The following NMD3 variants were observed in gnomAD, a reference collection of about 807,000 sequenced individuals.
NMD3 encodes the protein 60S ribosomal export protein NMD3.
A neutral mutation model predicts 73.1 loss-of-function variants in NMD3; 47 were observed. The ratio of observed to expected loss-of-function variants is 0.64; its 90% CI spans 0.51 to 0.82. The LOEUF is 0.82. Among genes scored for constraint, NMD3 ranks in the 40% least tolerant of loss-of-function variants. The pLI is 0.00. For missense variants in NMD3, 554 were observed against 612.5 expected, an observed-to-expected ratio of 0.90 and a Z score of 1.01; for synonymous variants, 210 against 194.5, an observed-to-expected ratio of 1.08 and a Z score of -0.66.
At chr3:161,234,338 A>C (rs1736657047) in intron 5 of NMD3, among the ~76,000 whole-genome samples, 1 of 151,592 alleles carries the variant, frequency 6.6e-6, no homozygotes, top group Admixed American at 6.6e-5. Context: ...TGAGGTGGAG[A>C]ATCACTTGAG....
Position 161,227,333 on chromosome 3 carries a change from C to T in NMD3, c.266C>T (p.Pro89Leu). The change falls in exon 4 of 16, where the codon CCT becomes CTT. Residue 89 changes from proline (P) to leucine (L), a missense_variant. Physicochemically the swap from Pro to Leu is moderately conservative, Grantham distance 98. Transcript: ENST00000351193. ...LALCLKKIKAPLSKVRLVDAG... is the reference protein window; with the variant it reads ...LALCLKKIKALLSKVRLVDAG... ...TTGTGCTTGAAAAAAATCAAAGCCCCTCTGAGTAAGGTAAGTTAAACAGCT... is the reference window on the plus strand; with the variant it reads ...TTGTGCTTGAAAAAAATCAAAGCCCTTCTGAGTAAGGTAAGTTAAACAGCT... The T allele has an allele frequency of 1.3e-6, 2 of 1,599,536 alleles. No homozygotes were observed. The highest frequency in any genetic ancestry group is 1.7e-6 in the Non-Finnish European group (2 of 1,168,812).
intron 3 of NMD3, 80 bp from the exon 4 acceptor site, chr3:161,227,167 G>C (rs1404038000): frequency 1.3e-6 from 1 of 766,190 alleles, no homozygotes; most frequent in Non-Finnish European, 2.2e-6. Flanking sequence ...TAATAATTTG[G>C]GTTATATCTG....
At chr3:161,230,463 A>T (rs538110938) in intron 4 of NMD3, among the ~76,000 whole-genome samples, 3 of 152,164 alleles carry the variant, frequency 2.0e-5, no homozygotes, top group African/African-American at 4.8e-5. Flanking sequence ...GATGGTATAT[A>T]TAACTGTATT....
chr3:161,235,318 G>C, intron 7 of NMD3, 106 bp downstream of exon 7: 9 of 363,624 alleles, frequency 2.5e-5, no homozygotes, highest in South Asian at 7.2e-5. Context: ...CTGTCCAAAA[G>C]AACTTTCTGT....
chr3:161,238,858 TA>T, intron 9 of NMD3, 32 bp downstream of exon 9: 1 of 1,034,464 alleles, frequency 9.7e-7, no homozygotes, highest in Non-Finnish European at 1.5e-6. Flanking sequence ...TCCATATCTG[TA>T]AAAGAGTACA....
chr3:161,242,789 CT>C (rs1295397941), intron 11 of NMD3, 136 bp downstream of exon 11: 24,091 of 453,560 alleles, frequency 0.053, 8 homozygotes, highest in East Asian at 0.1. Flanking sequence ...GAAAAAAATT[CT>C]TTTTTTTTTT....
chr3:161,235,039 C>G (rs1736702622), intron 6 of NMD3, 83 bp from the exon 7 acceptor site: 1 of 865,646 alleles, frequency 1.2e-6, no homozygotes, highest in Non-Finnish European at 1.8e-6. Flanking sequence ...TCAGTATGCT[C>G]TATCTGTAGA....
Position 161,225,047 on chromosome 3 carries a change from C to T in NMD3, c.162C>T (p.Phe54=). The part of the protein sequence containing the change: ...QGIPKQVSIS[F]CKQCQRYFQP... The stretch of plus-strand genomic sequence containing the variant: ...TTCCGAAACAAGTCTCGATTTCGTT[C>T]TGCAAACAATGTCAAAGGTACAGTG... The change falls in exon 3 of 16, where the codon TTC becomes TTT. Residue 54 remains phenylalanine (F), a synonymous_variant. Coordinates refer to ENST00000351193, the MANE Select transcript of NMD3 (RefSeq NM_015938.5). 6.2e-7 allele frequency: 1 copy of T among 1,613,720 alleles called. No individual in the cohort carries two copies. Among genetic ancestry groups the T allele is most frequent in the Non-Finnish European group, 8.5e-7 (1 of 1,179,916 alleles).
intron 4 of NMD3, among the ~76,000 whole-genome samples, chr3:161,232,243 T>C (rs1736573318): frequency 6.6e-6 from 1 of 151,948 alleles, no homozygotes; most frequent in South Asian, 2.1e-4. Context: ...TAGGCTTTGT[T>C]TTAGGGAGGC....
intron 9 of NMD3, among the ~76,000 whole-genome samples, chr3:161,240,023 A>G (rs1190239127): frequency 1.3e-5 from 2 of 152,216 alleles, no homozygotes; most frequent in Non-Finnish European, 2.9e-5. Context: ...TTTAGGTGTG[A>G]GGGCATATTT....
intron 3 of NMD3, 140 bp from the exon 4 acceptor site, chr3:161,227,107 A>G (rs1207915957): frequency 9.2e-6 from 5 of 541,218 alleles, no homozygotes; most frequent in Non-Finnish European, 1.6e-5. Flanking sequence ...CCATTAAAAT[A>G]TGTTTGAGTT....
At chr3:161,246,704 G>C (rs933387422) in intron 12 of NMD3, among the ~76,000 whole-genome samples, 1 of 152,106 alleles carries the variant, frequency 6.6e-6, no homozygotes, top group Non-Finnish European at 1.5e-5. Flanking sequence ...AAGTTATATG[G>C]TTGTATCCAT....
At chr3:161,250,391 T>A in intron 15 of NMD3, 65 bp downstream of exon 15, 1 of 941,152 alleles carries the variant, frequency 1.1e-6, no homozygotes, top group Non-Finnish European at 1.6e-6. Flanking sequence ...AGTATGAATA[T>A]TTTGGTATCT....
At chr3:161,226,942 T>C (rs1408356937) in intron 3 of NMD3, among the ~76,000 whole-genome samples, 5 of 152,222 alleles carry the variant, frequency 3.3e-5, no homozygotes, top group African/African-American at 1.2e-4. Flanking sequence ...TCACCTGTTT[T>C]TCAGAGCATA....
chr3:161,225,855 T>C (rs1441238364), intron 3 of NMD3, among the ~76,000 whole-genome samples: 3 of 152,092 alleles, frequency 2.0e-5, no homozygotes, highest in Non-Finnish European at 4.4e-5. Flanking sequence ...TGTAAAAATA[T>C]ATATGTGTGT....
chr3:161,226,376 A>G (rs939364518), intron 3 of NMD3, among the ~76,000 whole-genome samples: 2 of 128,592 alleles, frequency 1.6e-5, no homozygotes, highest in Admixed American at 7.8e-5. Flanking sequence ...TGAACCCGAG[A>G]GGCAGAGGTT....
rs1353506201 is a variant in NMD3, at chr3:161,252,062, T to G, written c.*1152T>G. On this transcript the variant is annotated 3_prime_UTR_variant, in exon 16 of 16. Coordinates refer to ENST00000351193, the MANE Select transcript of NMD3 (RefSeq NM_015938.5). ...ATATTGGACTTTCCAATTTTGAAAT[T>G]ATGGATAAAGTCCTAAATTTTCTAT... is the stretch of plus-strand genomic sequence containing the variant. 1 of 152,174 alleles carries G rather than the reference T, an allele frequency of 6.6e-6. No homozygotes were observed. Among genetic ancestry groups the G allele is most frequent in the African/African-American group, 2.4e-5 (1 of 41,446 alleles). 9.4% of individuals were successfully genotyped at this position (152,174 alleles called of 1,614,324 possible). A position where few individuals can be genotyped will look rare whatever the true frequency, so the allele number is the denominator to read the frequency against.
chr3:161,240,281 T>A (rs1220907749), intron 9 of NMD3, among the ~76,000 whole-genome samples: 1 of 152,106 alleles, frequency 6.6e-6, no homozygotes, highest in Non-Finnish European at 1.5e-5. Flanking sequence ...GACATGTGAC[T>A]TTTTTGGGCT....
chr3:161,232,082 C>G (rs1340908547), intron 4 of NMD3, among the ~76,000 whole-genome samples: 1 of 148,828 alleles, frequency 6.7e-6, no homozygotes, highest in East Asian at 2.0e-4. Context: ...TCCATTCCTG[C>G]AGGTGGAGGT....
Sources: allele counts gnomAD v4.1 joint callset (sites outside exome capture counted in the v4.1 genomes callset), GRCh38; gene constraint gnomAD v4.1.1; transcripts MANE v1.5; gene names NCBI Gene and HGNC (gene_info 2026-07-23, HGNC 2026-07-21).